The following GPM6A variants were observed in gnomAD, a reference collection of about 807,000 sequenced individuals.
The protein encoded by GPM6A is glycoprotein M6A.
GPM6A carries 7 observed loss-of-function variants against 32.1 expected under a neutral mutation model. That is an observed-to-expected ratio of 0.22 (90% CI 0.12 to 0.41). The LOEUF (loss-of-function observed/expected upper bound fraction) is 0.41, where lower values mean the gene tolerates loss of function less well. GPM6A is among the 10% of genes least tolerant of loss of function. The pLI, the probability that GPM6A is intolerant of heterozygous loss-of-function variation, is 1.00. For missense variants in GPM6A, 235 were observed against 347.2 expected, an observed-to-expected ratio of 0.68 and a Z score of 2.57; for synonymous variants, 130 against 123.4, an observed-to-expected ratio of 1.05 and a Z score of -0.35.
intron 1 of GPM6A, among the ~76,000 whole-genome samples, chr4:175,785,303 T>A (rs1733758780): frequency 6.6e-6 from 1 of 152,166 alleles, no homozygotes; most frequent in Non-Finnish European, 1.5e-5. Flanking sequence ...CTCTTAGACA[T>A]TCCAGCCCAA....
At chr4:175,764,851 T>TTATTAC (rs1002391859) in intron 1 of GPM6A, among the ~76,000 whole-genome samples, 2 of 141,390 alleles carry the variant, frequency 1.4e-5, no homozygotes, top group African/African-American at 5.6e-5. Flanking sequence ...AAAGGCATTA[T>TTATTAC]TATTATTATT....
At chr4:175,749,167 G>A (rs1732220923) in intron 1 of GPM6A, among the ~76,000 whole-genome samples, 2 of 151,628 alleles carry the variant, frequency 1.3e-5, no homozygotes, top group South Asian at 4.2e-4. Context: ...AAATAATATA[G>A]TATTAGATTG....
chr4:175,834,583 C>T (rs1735708374), intron 1 of GPM6A, among the ~76,000 whole-genome samples: 1 of 152,028 alleles, frequency 6.6e-6, no homozygotes, highest in Non-Finnish European at 1.5e-5. Flanking sequence ...TCTAATCCTG[C>T]ATGGAACGGA....
chr4:175,774,695 G>A (rs1733324111), intron 1 of GPM6A, among the ~76,000 whole-genome samples: 1 of 151,988 alleles, frequency 6.6e-6, no homozygotes, highest in South Asian at 2.1e-4. Flanking sequence ...TTGAACAACA[G>A]AGCAAAGAAT....
At chr4:175,851,085 A>G (rs1339453599) in intron 1 of GPM6A, among the ~76,000 whole-genome samples, 4 of 152,114 alleles carry the variant, frequency 2.6e-5, no homozygotes, top group South Asian at 2.1e-4. Flanking sequence ...CCAGCTGGGC[A>G]TGGTGGCTCA....
At chr4:175,662,539 G>T (rs1038279305) in intron 3 of GPM6A, among the ~76,000 whole-genome samples, 1 of 152,084 alleles carries the variant, frequency 6.6e-6, no homozygotes, top group South Asian at 2.1e-4. Context: ...GGCGGAGATT[G>T]CAGTGAGCCG....
chr4:175,817,894 A>G (rs540903506), intron 1 of GPM6A, among the ~76,000 whole-genome samples: 1 of 152,316 alleles, frequency 6.6e-6, no homozygotes, highest in South Asian at 2.1e-4. Flanking sequence ...AGTACTGAAG[A>G]AGAAGACGCT....
Position 175,689,440 on chromosome 4 carries a change from T to C in GPM6A, c.230+12135A>G, listed in dbSNP as rs116113635. Among the ~76,000 whole-genome samples, 325 of 141,874 alleles carry C rather than the reference T, an allele frequency of 2.3e-3. 1 individual carries two copies. The highest frequency in any genetic ancestry group is 3.2e-3 in the Non-Finnish European group (200 of 62,930). The allele number at this position is 141,874 out of a possible 152,430, so 93.1% of individuals were successfully genotyped here. A position where few individuals can be genotyped will look rare whatever the true frequency, so the allele number is the denominator to read the frequency against. On this transcript the variant is annotated intron_variant, in intron 2 of 6. Transcript: ENST00000393658. The stretch of plus-strand genomic sequence containing the variant: ...TTTTCCCTCCTTGGTTAAGTTTATT[T>C]ATAGCGTTTTTTTTTTTCTTTTTGA...
At chr4:175,994,400 A>G (rs1741241378) in intron 1 of GPM6A, among the ~76,000 whole-genome samples, 1 of 152,194 alleles carries the variant, frequency 6.6e-6, no homozygotes, top group Non-Finnish European at 1.5e-5. Flanking sequence ...GTTGCATTCT[A>G]AACAACTGCA....
chr4:175,919,494 T>A (rs1290768370), intron 1 of GPM6A, among the ~76,000 whole-genome samples: 1 of 152,218 alleles, frequency 6.6e-6, no homozygotes, highest in Non-Finnish European at 1.5e-5. Flanking sequence ...AACTTACCCT[T>A]ACTTAATTAA....
chr4:175,686,690 A>C (rs1049518216), intron 2 of GPM6A, among the ~76,000 whole-genome samples: 5 of 152,212 alleles, frequency 3.3e-5, no homozygotes, highest in African/African-American at 1.2e-4. Context: ...CTCTCCAACT[A>C]TGAGAGAATA....
intron 3 of GPM6A, among the ~76,000 whole-genome samples, chr4:175,663,450 T>G (rs1382584377): frequency 6.6e-6 from 1 of 152,036 alleles, no homozygotes; most frequent in Non-Finnish European, 1.5e-5. Context: ...AGTTAAGAGG[T>G]CTATTGTACA....
chr4:175,854,037 G>A (rs775944102), intron 1 of GPM6A, among the ~76,000 whole-genome samples: 2 of 152,160 alleles, frequency 1.3e-5, no homozygotes, highest in Non-Finnish European at 2.9e-5. Flanking sequence ...AAAGCACAAG[G>A]AAAGCACATT....
At chr4:175,730,792 C>T (rs1056230141) in intron 1 of GPM6A, among the ~76,000 whole-genome samples, 3 of 152,090 alleles carry the variant, frequency 2.0e-5, no homozygotes, top group Admixed American at 1.3e-4. Flanking sequence ...TCTCTTACCA[C>T]ACACAAACCA....
chr4:175,742,618 G>T (rs548177300), intron 1 of GPM6A, among the ~76,000 whole-genome samples: 1 of 152,178 alleles, frequency 6.6e-6, no homozygotes, highest in Admixed American at 6.5e-5. Context: ...CGGTTACTGG[G>T]TTTTTCACAT....
chr4:175,650,110 A>AT (rs2110914116), intron 4 of GPM6A, among the ~76,000 whole-genome samples: 1 of 152,138 alleles, frequency 6.6e-6, no homozygotes, highest in Non-Finnish European at 1.5e-5. Context: ...CCCAATGTCC[A>AT]TATTCCCTCT....
At chr4:175,963,976 A>G (rs1039081206) in intron 1 of GPM6A, among the ~76,000 whole-genome samples, 3 of 152,206 alleles carry the variant, frequency 2.0e-5, no homozygotes, top group African/African-American at 7.2e-5. Flanking sequence ...ATATATTTAA[A>G]CTCAATGGCA....
intron 1 of GPM6A, among the ~76,000 whole-genome samples, chr4:175,714,015 A>G (rs1745698241): frequency 6.6e-6 from 1 of 152,078 alleles, no homozygotes; most frequent in Non-Finnish European, 1.5e-5. Flanking sequence ...ATTTAATAAT[A>G]TCTTTTAATT....
intron 1 of GPM6A, among the ~76,000 whole-genome samples, chr4:175,948,516 C>T (rs529686051): frequency 1.1e-4 from 17 of 152,312 alleles, no homozygotes; most frequent in African/African-American, 3.8e-4. Context: ...TATTGTGTTA[C>T]AGCAGTCCAA....
Sources: gnomAD v4.1 joint callset for allele counts (sites outside exome capture counted in the v4.1 genomes callset) on GRCh38, gnomAD v4.1.1 for gene constraint, MANE v1.5 for transcripts, NCBI Gene and HGNC (gene_info 2026-07-23, HGNC 2026-07-21) for gene names.